The following GSPT1 variants were observed in gnomAD, a reference collection of about 807,000 sequenced individuals.
GSPT1 encodes G1 to S phase transition 1.
In GSPT1, 20 loss-of-function variants were observed where a neutral mutation model predicts 72.5. The observed-to-expected ratio is 0.28, with a 90% CI of 0.19 to 0.40. The LOEUF is 0.40. GSPT1 is among the 10% of genes least tolerant of loss of function. The probability of loss-of-function intolerance (pLI) is 1.00; values close to 1 mark genes in which losing one functional copy is unlikely to be tolerated. For synonymous variants in GSPT1, 334 were observed against 293.5 expected, an observed-to-expected ratio of 1.14 and a Z score of -1.41; for missense variants, 580 against 811.9, an observed-to-expected ratio of 0.71 and a Z score of 3.47.
At chr16:11,884,480 C>G (rs1376030857) in intron 10 of GSPT1, among the ~76,000 whole-genome samples, 1 of 152,204 alleles carries the variant, frequency 6.6e-6, no homozygotes, top group Admixed American at 6.5e-5. Flanking sequence ...AGTTTTTGGA[C>G]CGGGCATGGT....
intron 11 of GSPT1, 104 bp downstream of exon 11, chr16:11,882,911 T>C (rs1232056550): frequency 1.4e-6 from 1 of 702,074 alleles, no homozygotes; most frequent in African/African-American, 1.8e-5. Context: ...AAGCTATGAA[T>C]GCGCCACTGT....
chr16:11,882,492 C>T (rs1338054664), intron 11 of GSPT1: 1 of 152,620 alleles, frequency 6.6e-6, no homozygotes, highest in African/African-American at 2.4e-5. Context: ...CTAATTTACT[C>T]TGCCTGGAGT....
At chr16:11,915,261 G>GC (rs1350520591) in intron 1 of GSPT1, 108 bp downstream of exon 1, 1 of 1,186,462 alleles carries the variant, frequency 8.4e-7, no homozygotes, top group African/African-American at 1.6e-5. Context: ...CACTGTCAGC[G>GC]CCCCACGTGC....
In GSPT1 at chr16:11,883,144, T is replaced by G. The variant is rs372296992; in HGVS notation, c.1348-49A>C. On this transcript the variant is annotated intron_variant, in intron 10 of 14. Coordinates refer to ENST00000434724, the MANE Select transcript of GSPT1 (RefSeq NM_002094.4). The stretch of plus-strand genomic sequence containing the variant: ...CAGTTTCAGACTTCTTGGTGCTGTA[T>G]AACAGCTCAATAGCCCAAAGTGAAA... The G allele has an allele frequency of 9.6e-6, 11 of 1,146,978 alleles. No individual in the cohort carries two copies. The African/African-American group carries it at 1.2e-4, about 13-fold the overall frequency. The allele number at this position is 1,146,978 out of a possible 1,614,324, so 71.1% of individuals were successfully genotyped here.
At chr16:11,898,403 T>C (rs969540549) in intron 1 of GSPT1, among the ~76,000 whole-genome samples, 3 of 151,594 alleles carry the variant, frequency 2.0e-5, no homozygotes, top group South Asian at 4.2e-4. Context: ...CCCGTGATTC[T>C]CTCTAGGTAA....
At chr16:11,909,947 A>C (rs1212201370) in intron 1 of GSPT1, among the ~76,000 whole-genome samples, 1 of 143,192 alleles carries the variant, frequency 7.0e-6, no homozygotes, top group Non-Finnish European at 1.5e-5. Flanking sequence ...AAACAAAAAA[A>C]CTTAGCCAGG....
At chr16:11,887,020 A>AAT in intron 7 of GSPT1, 89 bp from the exon 8 acceptor site, 1 of 581,282 alleles carries the variant, frequency 1.7e-6, no homozygotes, top group Non-Finnish European at 2.6e-6. Context: ...TTATATCACG[A>AAT]GTTTTTTTTT....
intron 5 of GSPT1, among the ~76,000 whole-genome samples, chr16:11,892,514 C>CAAA (rs1555504691): frequency 8.2e-6 from 1 of 122,510 alleles, no homozygotes; most frequent in South Asian, 2.6e-4. Context: ...CTCAAAAAAA[C>CAAA]AAAAAAAACA....
At chr16:11,892,246 A>C (rs777045281) in intron 5 of GSPT1, among the ~76,000 whole-genome samples, 6 of 150,336 alleles carry the variant, frequency 4.0e-5, no homozygotes, top group Non-Finnish European at 3.0e-5. Flanking sequence ...GGGAGGCTGA[A>C]GTGAGAGGAT....
Position 11,876,119 on chromosome 16 carries a change from A to G in GSPT1, c.1659T>C (p.His553=), listed in dbSNP as rs2054043670. The G allele has an allele frequency of 6.2e-7, 1 of 1,608,798 alleles. No homozygotes were observed. Among genetic ancestry groups the G allele is most frequent in the South Asian group, 1.1e-5 (1 of 90,984 alleles). Reference sequence around the variant, plus strand: ...CCACCTCCTCAATACAGGTATGAATATGCAGCACCGCATTATAGCCTGGGC... The same window carrying G: ...CCACCTCCTCAATACAGGTATGAATGTGCAGCACCGCATTATAGCCTGGGC... ...IICPGYNAVL[H]IHTCIEEVEI... Residue 553 remains histidine (H), a synonymous_variant, in exon 13 of 15, where the codon CAT becomes CAC. Transcript: ENST00000434724.
intron 1 of GSPT1, among the ~76,000 whole-genome samples, chr16:11,903,070 T>A (rs2054436475): frequency 6.6e-6 from 1 of 152,124 alleles, no homozygotes; most frequent in African/African-American, 2.4e-5. Context: ...TAGCAGTTAC[T>A]GCCCATACTC....
Position 11,915,733 on chromosome 16 carries a change from C to CGT in GSPT1, c.-15_-14dup, listed in dbSNP as rs999486362. ...TGCCCGGATCCATGATCGGGGGGGC[C>CGT]GTGTGTGTGGTGGACAGAGAGCGGG... On this transcript the variant is annotated 5_prime_UTR_variant, in exon 1 of 15. Transcript: ENST00000434724. The CGT allele has an allele frequency of 3.9e-5, 59 of 1,524,276 alleles. No homozygotes were observed. Among genetic ancestry groups the CGT allele is most frequent in the Non-Finnish European group, 4.9e-5 (56 of 1,142,622 alleles). 94.4% of individuals were successfully genotyped at this position (1,524,276 alleles called of 1,614,324 possible).
intron 1 of GSPT1, among the ~76,000 whole-genome samples, chr16:11,898,408 AG>A (rs2141304665): frequency 6.6e-6 from 1 of 150,542 alleles, no homozygotes; most frequent in Admixed American, 6.6e-5. Flanking sequence ...GATTCTCTCT[AG>A]GTAACCCAGC....
rs1377844183 is a variant in GSPT1 at position 11,877,945 on chromosome 16, T to A, written c.1429-365A>T. ...TTATTATGGAATTCTATGAAGGATT[T>A]AATAAACCTGTCTTCTATTACCTAT... is the stretch of plus-strand genomic sequence containing the variant. On this transcript the variant is annotated intron_variant, in intron 11 of 14. Coordinates refer to ENST00000434724, the MANE Select transcript of GSPT1 (RefSeq NM_002094.4). The surrounding 1 kb of genome is among the most constrained non-coding windows in gnomAD (Gnocchi z 4.0). Among the ~76,000 whole-genome samples, 3 of 152,182 alleles carry A rather than the reference T, an allele frequency of 2.0e-5. No individual in the cohort carries two copies. The highest frequency in any genetic ancestry group is 2.0e-4 in the Admixed American group (3 of 15,270).
intron 5 of GSPT1, among the ~76,000 whole-genome samples, chr16:11,892,849 A>AG (rs2054286139): frequency 6.7e-6 from 1 of 149,674 alleles, no homozygotes; most frequent in South Asian, 2.1e-4. Context: ...AAAAAAAAAA[A>AG]AAAAAAGAAA....
rs368280354 is a variant in GSPT1 at position 11,873,079 on chromosome 16, A to G, written c.*40T>C. On this transcript the variant is annotated 3_prime_UTR_variant, in exon 15 of 15. Transcript: ENST00000434724. ...GGTGTGAAGTAGGCTTCTGCAGTCA[A>G]TTTTCCTCACAGTATTGTGCAGGGT... The G allele has an allele frequency of 8.8e-6, 11 of 1,245,056 alleles. No homozygotes were observed. The highest frequency in any genetic ancestry group is 7.4e-5 in the Admixed American group (4 of 53,852). The allele number at this position is 1,245,056 out of a possible 1,614,324, so 77.1% of individuals were successfully genotyped here.
At position 11,870,744 on chromosome 16, in the gene GSPT1, C is replaced by A. The variant is rs2053969111; in HGVS notation, c.*2375G>T. The A allele has an allele frequency of 6.6e-6, 1 of 152,196 alleles. No homozygotes were observed. The highest frequency in any genetic ancestry group is 1.5e-5 in the Non-Finnish European group (1 of 68,030). 9.4% of individuals were successfully genotyped at this position (152,196 alleles called of 1,614,324 possible). A position where few individuals can be genotyped will look rare whatever the true frequency, so the allele number is the denominator to read the frequency against. On this transcript the variant is annotated 3_prime_UTR_variant, in exon 15 of 15. Transcript: ENST00000434724. ...CTTATGTTGCTGGTTAATTTTAGCACTGAAATTTCTTTTGAATAATCTAAT... is the reference window on the plus strand; with the variant it reads ...CTTATGTTGCTGGTTAATTTTAGCAATGAAATTTCTTTTGAATAATCTAAT...
At chr16:11,909,743 G>T (rs1433528433) in intron 1 of GSPT1, among the ~76,000 whole-genome samples, 1 of 152,066 alleles carries the variant, frequency 6.6e-6, no homozygotes, top group Non-Finnish European at 1.5e-5. Flanking sequence ...TGGGCAACAT[G>T]GTGAAACCTC....
chr16:11,884,605 C>CA (rs1486147768), intron 10 of GSPT1, among the ~76,000 whole-genome samples: 2 of 151,764 alleles, frequency 1.3e-5, no homozygotes. Flanking sequence ...ACTAAAAATA[C>CA]AAAAAACAAT....
Sources: gnomAD v4.1 joint callset for allele counts (sites outside exome capture counted in the v4.1 genomes callset) on GRCh38, gnomAD v4.1.1 for gene constraint, Gnocchi (gnomAD v3.1) non-coding constraint, MANE v1.5 for transcripts, NCBI Gene and HGNC (gene_info 2026-07-23, HGNC 2026-07-21) for gene names.